PCDHGA3: variants seen among roughly 807,000 people sequenced by gnomAD.
The protein encoded by PCDHGA3 is protocadherin gamma subfamily A, 3, also known as protocadherin gamma-A3.
A neutral mutation model predicts 58.5 loss-of-function variants in PCDHGA3; 40 were observed. The observed-to-expected ratio is 0.68, with a 90% CI of 0.53 to 0.89. PCDHGA3 has a LOEUF of 0.89. PCDHGA3 is among the 40% of genes least tolerant of loss of function. The pLI is 0.00. For synonymous variants in PCDHGA3, 530 were observed against 525.7 expected (o/e 1.01, Z -0.11); for missense variants, 1,223 against 1,195.9 (o/e 1.02, Z -0.33).
At chr5:141,374,730 A>G (rs1770785005) in intron 1 of PCDHGA3, 1 of 1,610,644 alleles carries the variant, frequency 6.2e-7, no homozygotes, top group South Asian at 1.1e-5. Context: ...ACTGCCATGG[A>G]TGGCGGCGAC....
Position 141,487,622 on chromosome 5 carries a change from C to A in PCDHGA3, c.2425-7185C>A. 1 of 1,614,174 alleles carries A rather than the reference C, an allele frequency of 6.2e-7. No homozygotes were observed. Among genetic ancestry groups the A allele is most frequent in the Non-Finnish European group, 8.5e-7 (1 of 1,180,030 alleles). ...TCTTCTCTATGGGCTAGAGGTGAGACCTTTGCAGGCTCAACAAATGCTTGA... is the reference window on the plus strand; with the variant it reads ...TCTTCTCTATGGGCTAGAGGTGAGAACTTTGCAGGCTCAACAAATGCTTGA... On this transcript the variant is annotated intron_variant, in intron 1 of 3. Transcript: ENST00000253812. The surrounding 1 kb of genome is among the most constrained non-coding windows in gnomAD (Gnocchi z 5.0).
At chr5:141,482,755 T>TGAAGTGGGAG (rs1554165462) in intron 1 of PCDHGA3, among the ~76,000 whole-genome samples, 1 of 143,580 alleles carries the variant, frequency 7.0e-6, no homozygotes, top group South Asian at 2.1e-4. Context: ...GGGATTATGG[T>TGAAGTGGGAG]ATTTCATTAT....
At chr5:141,407,243 C>G (rs1191688729) in intron 1 of PCDHGA3, among the ~76,000 whole-genome samples, 1 of 152,168 alleles carries the variant, frequency 6.6e-6, no homozygotes, top group African/African-American at 2.4e-5. Context: ...AAGCATACTT[C>G]AGGCTCATAT....
At chr5:141,469,992 G>A (rs894673835) in intron 1 of PCDHGA3, among the ~76,000 whole-genome samples, 10 of 152,054 alleles carry the variant, frequency 6.6e-5, no homozygotes, top group South Asian at 2.1e-4. Context: ...TTAGCTGGTC[G>A]TCGTGGCACG....
At chr5:141,362,345 C>A (rs776739300) in intron 1 of PCDHGA3, 1 of 1,614,068 alleles carries the variant, frequency 6.2e-7, no homozygotes, top group East Asian at 2.2e-5. Context: ...AAGCCTGGAC[C>A]TGGGGTTCTC....
chr5:141,407,200 G>A (rs1054595818), intron 1 of PCDHGA3, among the ~76,000 whole-genome samples: 2 of 152,228 alleles, frequency 1.3e-5, no homozygotes, highest in East Asian at 1.9e-4. Context: ...TTTCAAACAC[G>A]TTTTCCCCCT....
intron 1 of PCDHGA3, chr5:141,362,277 C>G (rs1762415118): frequency 6.2e-7 from 1 of 1,614,048 alleles, no homozygotes; most frequent in Non-Finnish European, 8.5e-7. Context: ...TCTCCCTGCG[C>G]CTGCGACTCT....
intron 1 of PCDHGA3, chr5:141,404,332 C>T (rs1257075931): frequency 6.2e-7 from 1 of 1,613,916 alleles, no homozygotes; most frequent in East Asian, 2.2e-5. Context: ...ACTCAGTCTA[C>T]CTCCCGGAAA....
intron 1 of PCDHGA3, chr5:141,415,740 GTTTTTTTTTTTTTTTTTTTTT>G: frequency 1.6e-6 from 1 of 617,990 alleles, no homozygotes; most frequent in Non-Finnish European, 2.1e-6. Context: ...GTTTATTAAG[GTTTTTTTTTTTTTTTTTTTTT>G]TTTTTTTTTT....
Position 141,490,800 on chromosome 5 carries a change from TACCTTTG to T in PCDHGA3, c.2425-4004_2425-3998del, listed in dbSNP as rs763340907. Reference sequence around the variant, plus strand: ...AGGATGGACGGATCTTTGCCCAGCGTACCTTTGACTATGAATTGCTGCAGATGCTGCA... The same window carrying T: ...AGGATGGACGGATCTTTGCCCAGCGTACTATGAATTGCTGCAGATGCTGCA... On this transcript the variant is annotated intron_variant, in intron 1 of 3. Transcript: ENST00000253812. The surrounding 1 kb of genome is among the most constrained non-coding windows in gnomAD (Gnocchi z 5.4). 2.5e-6 allele frequency: 4 copies of T among 1,613,968 alleles called. No homozygotes were observed. The highest frequency in any genetic ancestry group is 1.7e-6 in the Non-Finnish European group (2 of 1,179,894).
rs1243327893 is a variant in PCDHGA3, at chr5:141,491,671, C to G, written c.2425-3136C>G. 1 of 1,613,484 alleles carries G rather than the reference C, an allele frequency of 6.2e-7. No homozygotes were observed. Among genetic ancestry groups the G allele is most frequent in the Admixed American group, 1.7e-5 (1 of 60,034 alleles). On this transcript the variant is annotated intron_variant, in intron 1 of 3. Transcript: ENST00000253812. This position sits in a 1 kb window ranked among gnomAD's most constrained non-coding sequence, Gnocchi z 6.9. ...GCTGGAGCCTGACGCCATCCGGTCC[C>G]GCTCTAATACGCTGCGGGAGCGGAG...
At chr5:141,433,607 G>T (rs1209706866) in intron 1 of PCDHGA3, among the ~76,000 whole-genome samples, 1 of 152,080 alleles carries the variant, frequency 6.6e-6, no homozygotes. Flanking sequence ...AGGCCGAGGC[G>T]GGTGGATCAC....
chr5:141,351,867 C>T, intron 1 of PCDHGA3: 1 of 1,613,254 alleles, frequency 6.2e-7, no homozygotes, highest in Non-Finnish European at 8.5e-7. Context: ...CAGGGCTCCC[C>T]CGCGCTCAGC....
intron 1 of PCDHGA3, among the ~76,000 whole-genome samples, chr5:141,464,132 G>A (rs1432411937): frequency 6.6e-6 from 1 of 152,076 alleles, no homozygotes; most frequent in Non-Finnish European, 1.5e-5. Flanking sequence ...GGGTGTGGTG[G>A]TGGGCGCCTG....
chr5:141,398,105 G>A (rs778559832), intron 1 of PCDHGA3: 2 of 1,595,534 alleles, frequency 1.3e-6, no homozygotes, highest in East Asian at 4.5e-5. Context: ...AGGCTGGTGA[G>A]CAAGCTGAGG....
chr5:141,414,253 G>A (rs768166537), intron 1 of PCDHGA3: 1 of 1,613,492 alleles, frequency 6.2e-7, no homozygotes, highest in Non-Finnish European at 8.5e-7. Flanking sequence ...ATTTAGTCCA[G>A]TGACTGAAGA....
In PCDHGA3 at chr5:141,370,422, C is replaced by A. The variant is rs780716652; in HGVS notation, c.2424+23965C>A. 1.9e-6 allele frequency: 3 copies of A among 1,581,408 alleles called. No homozygotes were observed. The South Asian group carries it at 3.5e-5, about 18-fold the overall frequency. ...GGGAAATAGCTCCGGATGGAGGGGC[C>A]CAGCAGGGCAGAGGCGAATGCTATT... On this transcript the variant is annotated intron_variant, in intron 1 of 3. Transcript: ENST00000253812.
chr5:141,433,047 C>T (rs1561867159), intron 1 of PCDHGA3: 1 of 1,614,046 alleles, frequency 6.2e-7, no homozygotes, highest in African/African-American at 1.3e-5. Flanking sequence ...ACCACGGACT[C>T]GCGGAAGAGT....
At chr5:141,500,185 TTTA>T (rs549090582) in intron 2 of PCDHGA3, among the ~76,000 whole-genome samples, 1 of 55,104 alleles carries the variant, frequency 1.8e-5, no homozygotes, top group Non-Finnish European at 3.2e-5. Flanking sequence ...CATTTTTATT[TTTA>T]TTTATTTATT....
Sources: gnomAD v4.1 joint callset for allele counts (sites outside exome capture counted in the v4.1 genomes callset) on GRCh38, gnomAD v4.1.1 for gene constraint, Gnocchi (gnomAD v3.1) non-coding constraint, MANE v1.5 for transcripts, NCBI Gene and HGNC (gene_info 2026-07-23, HGNC 2026-07-21) for gene names.